ACOT11: variants seen among roughly 807,000 people sequenced by gnomAD.
ACOT11 encodes acyl-CoA thioesterase 11.
A neutral mutation model predicts 77.5 loss-of-function variants in ACOT11; 69 were observed. The observed-to-expected ratio is 0.89, with a 90% CI of 0.73 to 1.09. ACOT11 has a LOEUF of 1.09. Ranked by LOEUF, ACOT11 falls within the 50% of genes least tolerant of loss-of-function variation. The pLI, the probability that ACOT11 is intolerant of heterozygous loss-of-function variation, is 0.00. For missense variants in ACOT11, 766 were observed against 813.7 expected, an observed-to-expected ratio of 0.94 and a Z score of 0.71; for synonymous variants, 279 against 313.0, an observed-to-expected ratio of 0.89 and a Z score of 1.15.
chr1:54,611,366 C>CT (rs2101014457), downstream of ACOT11, among the ~76,000 whole-genome samples: 1 of 152,256 alleles, frequency 6.6e-6, no homozygotes, highest in South Asian at 2.1e-4. Context: ...CGCCGCTGCA[C>CT]TCCAGCCTGG....
At chr1:54,608,217 A>T in intron 15 of ACOT11, 149 bp downstream of exon 15, 1 of 730,250 alleles carries the variant, frequency 1.4e-6, no homozygotes. Flanking sequence ...TGAGAGTGTC[A>T]GGGGCTGAAA....
chr1:54,611,183 C>T (rs1459156583), downstream of ACOT11, among the ~76,000 whole-genome samples: 2 of 152,142 alleles, frequency 1.3e-5, no homozygotes, highest in Non-Finnish European at 1.5e-5. Flanking sequence ...CCTGTAATCC[C>T]AGTACTTTGG....
At position 54,637,133 on chromosome 1, in the gene ACOT11, T is replaced by A. The variant is rs1449235546; in HGVS notation, c.*2404T>A. 2.0e-5 allele frequency: 3 copies of A among 152,280 alleles called. No homozygotes were observed. The East Asian group carries it at 5.8e-4, about 29-fold the overall frequency. 9.4% of individuals were successfully genotyped at this position (152,280 alleles called of 1,614,324 possible). A position where few individuals can be genotyped will look rare whatever the true frequency, so the allele number is the denominator to read the frequency against. On this transcript the variant is annotated 3_prime_UTR_variant, in exon 17 of 17. Coordinates refer to the ACOT11 transcript ENST00000371316. ...ATGTGGGTAAATCTCTGTTGGGGGC[T>A]CTCAGCTCTGAAGGCTGTGAGACCC... is the stretch of plus-strand genomic sequence containing the variant.
At chr1:54,630,066 T>C (rs1373452956) in intron 15 of ACOT11, among the ~76,000 whole-genome samples, 2 of 132,738 alleles carry the variant, frequency 1.5e-5, no homozygotes, top group African/African-American at 5.1e-5. Flanking sequence ...TGCCTGGCTA[T>C]TTTTTTGTAT....
chr1:54,596,262 T>A (rs1434127971), intron 6 of ACOT11, among the ~76,000 whole-genome samples: 1 of 152,130 alleles, frequency 6.6e-6, no homozygotes, highest in African/African-American at 2.4e-5. Flanking sequence ...CAACTTCCCC[T>A]CCTGTCTGCC....
intron 1 of ACOT11, among the ~76,000 whole-genome samples, chr1:54,552,795 G>GTGTTGTTGT (rs370522224): frequency 6.6e-5 from 9 of 136,666 alleles, no homozygotes; most frequent in African/African-American, 2.5e-4. Flanking sequence ...CCCACTCTTA[G>GTGTTGTTGT]TGTTGTTGTT....
At chr1:54,560,911 C>A (rs541376413) in intron 1 of ACOT11, among the ~76,000 whole-genome samples, 44 of 152,022 alleles carry the variant, frequency 2.9e-4, no homozygotes, top group African/African-American at 1.0e-3. Context: ...TTAGTAGAGA[C>A]GGGGTTTCAC....
intron 1 of ACOT11, among the ~76,000 whole-genome samples, chr1:54,555,238 C>T (rs984532815): frequency 2.6e-5 from 4 of 152,176 alleles, no homozygotes; most frequent in East Asian, 1.9e-4. Context: ...GGATTACAGG[C>T]GTGAGCCACC....
chr1:54,626,035 C>T (rs1239550845), intron 15 of ACOT11, among the ~76,000 whole-genome samples: 3 of 151,214 alleles, frequency 2.0e-5, no homozygotes, highest in Non-Finnish European at 3.0e-5. Flanking sequence ...CTGAGGCGGG[C>T]GGATCACTTG....
rs1553161034 is a variant in ACOT11 at position 54,554,351 on chromosome 1, A to ATATT, written c.33+6010_33+6011insATTT. 4.3e-3 allele frequency among the ~76,000 whole-genome samples: 421 copies of ATATT among 97,230 alleles called. 27 individuals are homozygous for ATATT. Among genetic ancestry groups the ATATT allele is most frequent in the Middle Eastern group, 5.7e-3 (1 of 174 alleles). The allele number at this position is 97,230 out of a possible 152,430, so 63.8% of individuals were successfully genotyped here. A position where few individuals can be genotyped will look rare whatever the true frequency, so the allele number is the denominator to read the frequency against. On this transcript the variant is annotated intron_variant, in intron 1 of 15. Coordinates refer to ENST00000343744, the MANE Select transcript of ACOT11 (RefSeq NM_147161.4). ...TGTGTGTGTATATATATATATATAT[A>ATATT]TTTTTTTTTTTTTTTTTTGAGATGG...
intron 1 of ACOT11, among the ~76,000 whole-genome samples, chr1:54,562,870 C>G (rs1569656432): frequency 1.5e-5 from 2 of 129,594 alleles, no homozygotes; most frequent in Non-Finnish European, 3.3e-5. Context: ...AGAGGCGCTC[C>G]TCACTTCCTA....
At chr1:54,563,798 G>A (rs1028672042) in intron 1 of ACOT11, among the ~76,000 whole-genome samples, 2 of 152,152 alleles carry the variant, frequency 1.3e-5, no homozygotes, top group African/African-American at 2.4e-5. Flanking sequence ...CGTGGCTCAT[G>A]CCTGTAATCC....
intron 1 of ACOT11, among the ~76,000 whole-genome samples, chr1:54,579,490 T>C (rs1755589): frequency 0.096 from 14,655 of 152,184 alleles, 1,612 homozygotes; most frequent in African/African-American, 0.26. Context: ...TCCTGCCTTG[T>C]TGGTGGGGAA....
rs114346309 is a variant in ACOT11 at position 54,566,139 on chromosome 1, C to T, written c.33+17797C>T. On this transcript the variant is annotated intron_variant, in intron 1 of 15. Transcript: ENST00000343744. ...TGCTCGCAGACTCCTTTGCAGATTC[C>T]TCCTCCCCACGTGACTTCTAAATAG... Among the ~76,000 whole-genome samples, 1,285 of 152,246 alleles carry T rather than the reference C, an allele frequency of 8.4e-3. 17 individuals carry two copies. The highest frequency in any genetic ancestry group is 0.028 in the African/African-American group (1,161 of 41,556).
At chr1:54,597,495 C>A (rs1643902764) in intron 7 of ACOT11, 80 bp downstream of exon 7, 2 of 1,476,244 alleles carry the variant, frequency 1.4e-6, no homozygotes, top group Admixed American at 4.6e-5. Context: ...GGAGGGGAAA[C>A]CCCAGCTTGG....
chr1:54,635,193 G>A, exon 17 of ACOT11: 1 of 229,860 alleles, frequency 4.4e-6, no homozygotes, highest in Non-Finnish European at 8.5e-6. Flanking sequence ...TGCAGAATAG[G>A]CAGAGATGCT....
chr1:54,608,990 C>T lies in ACOT11; in HGVS notation c.1663C>T (p.Leu555Phe), dbSNP rs1450690606. Residue 555 changes from leucine to phenylalanine, a missense_variant, in exon 16 of 16, where the codon CTC (leucine) becomes TTC (phenylalanine). Leu to Phe is a conservative substitution (Grantham distance 22, BLOSUM62 0). Transcript: ENST00000343744. ...CTACAACCAGGCCACCCCAGGTGTT[C>T]TCAACTATGTGACCACCAACGTGGC... ...SYYNQATPGV[L>F]NYVTTNVAGL... is the part of the protein sequence containing the mutation. The T allele has an allele frequency of 6.2e-7, 1 of 1,613,982 alleles. No homozygotes were observed. Among genetic ancestry groups the T allele is most frequent in the African/African-American group, 1.3e-5 (1 of 74,908 alleles).
intron 1 of ACOT11, among the ~76,000 whole-genome samples, chr1:54,563,125 C>T (rs1378182431): frequency 3.9e-5 from 6 of 152,136 alleles, no homozygotes; most frequent in Non-Finnish European, 7.4e-5. Context: ...GGGCGGCGCT[C>T]GCTGGCGCGG....
At chr1:54,560,074 G>A (rs142296248) in intron 1 of ACOT11, among the ~76,000 whole-genome samples, 25 of 152,306 alleles carry the variant, frequency 1.6e-4, no homozygotes, top group African/African-American at 5.5e-4. Flanking sequence ...GGGCAGTGAC[G>A]GACTGGGGCA....
Sources: gnomAD v4.1 joint callset for allele counts (sites outside exome capture counted in the v4.1 genomes callset) on GRCh38, gnomAD v4.1.1 for gene constraint, MANE v1.5 for transcripts, NCBI Gene and HGNC (gene_info 2026-07-23, HGNC 2026-07-21) for gene names.